Variants in B4GALNT3 observed in about 807,000 individuals in gnomAD.
B4GALNT3 encodes beta-1,4-N-acetyl-galactosaminyltransferase 3.
In B4GALNT3, 86 loss-of-function variants were observed where a neutral mutation model predicts 120.2. The ratio of observed to expected loss-of-function variants is 0.72; its 90% CI spans 0.60 to 0.86. The LOEUF (loss-of-function observed/expected upper bound fraction) is 0.86. B4GALNT3 is among the 40% of genes least tolerant of loss of function. The pLI is 0.00. For missense variants in B4GALNT3, 1,167 were observed against 1,298.9 expected, an observed-to-expected ratio of 0.90 and a Z score of 1.56; for synonymous variants, 518 against 510.4, an observed-to-expected ratio of 1.01 and a Z score of -0.20.
At chr12:559,590 C>T (rs1185478439) in intron 19 of B4GALNT3, among the ~76,000 whole-genome samples, 169 bp downstream of exon 19, 1 of 152,094 alleles carries the variant, frequency 6.6e-6, no homozygotes, top group Admixed American at 6.5e-5. Context: ...CGCTGGGACT[C>T]AGTTTCTCTA....
chr12:511,444 A>ACCTTCCACCTTCTTCCACCTTCCC (rs1946557118), intron 1 of B4GALNT3, among the ~76,000 whole-genome samples: 1 of 41,206 alleles, frequency 2.4e-5, no homozygotes, highest in Non-Finnish European at 4.1e-5. Context: ...TCCACCTTCC[A>ACCTTCCACCTTCTTCCACCTTCCC]CCTTCCACCT....
At position 511,406 on chromosome 12, in the gene B4GALNT3, TCCTTCCAC is replaced by T. The variant is rs200394506; in HGVS notation, c.170-23758_170-23751del. Among the ~76,000 whole-genome samples the T allele has an allele frequency of 8.5e-5, 6 of 70,758 alleles. 1 individual carries two copies. The highest frequency in any genetic ancestry group is 6.8e-4 in the Admixed American group (4 of 5,852). The allele number at this position is 70,758 out of a possible 152,430, so 46.4% of individuals were successfully genotyped here. A position where few individuals can be genotyped will look rare whatever the true frequency, so the allele number is the denominator to read the frequency against. Reference sequence around the variant, plus strand: ...GCCTTCCACCTTCTGTCTTCCACCTTCCTTCCACCTTCCACCTTCCACCTTCTTCCACC... The same window carrying T: ...GCCTTCCACCTTCTGTCTTCCACCTTCTTCCACCTTCCACCTTCTTCCACC... On this transcript the variant is annotated intron_variant, in intron 1 of 19. Transcript: ENST00000266383.
At chr12:552,415 G>C in intron 12 of B4GALNT3, 52 bp from the exon 13 acceptor site, 1 of 1,563,842 alleles carries the variant, frequency 6.4e-7, no homozygotes, top group Non-Finnish European at 8.8e-7. Flanking sequence ...CAGAGCCAGG[G>C]CTGAGCCCGC....
intron 1 of B4GALNT3, among the ~76,000 whole-genome samples, chr12:508,744 T>C (rs1946520191): frequency 6.6e-6 from 1 of 152,154 alleles, no homozygotes; most frequent in African/African-American, 2.4e-5. Flanking sequence ...CAAGCAGAGA[T>C]TACAAACATA....
intron 1 of B4GALNT3, among the ~76,000 whole-genome samples, chr12:512,009 T>C: frequency 7.6e-6 from 1 of 131,058 alleles, no homozygotes; most frequent in African/African-American, 3.1e-5. Flanking sequence ...CCTTCCACCT[T>C]CCACCTTCCG....
At chr12:486,885 G>A (rs1214243343) in intron 1 of B4GALNT3, among the ~76,000 whole-genome samples, 2 of 152,086 alleles carry the variant, frequency 1.3e-5, no homozygotes, top group Non-Finnish European at 2.9e-5. Context: ...GTGTTAGAGA[G>A]GCCAGACATT....
intron 3 of B4GALNT3, chr12:543,068 C>T: frequency 7.9e-7 from 1 of 1,261,736 alleles, no homozygotes; most frequent in Non-Finnish European, 1.0e-6. Context: ...CTGTCACAAC[C>T]ATTGTCCCCG....
At chr12:488,946 C>A (rs1946315688) in intron 1 of B4GALNT3, among the ~76,000 whole-genome samples, 1 of 151,532 alleles carries the variant, frequency 6.6e-6, no homozygotes, top group South Asian at 2.1e-4. Context: ...ATAATGGAAT[C>A]ATTAAAATGC....
At chr12:521,962 A>G (rs1307827038) in intron 1 of B4GALNT3, among the ~76,000 whole-genome samples, 1 of 118,808 alleles carries the variant, frequency 8.4e-6, no homozygotes, top group Admixed American at 8.3e-5. Context: ...AGGCCCGCTC[A>G]GAAGTTCTTT....
chr12:532,893 T>G (rs1349763310), intron 1 of B4GALNT3, among the ~76,000 whole-genome samples: 1 of 152,142 alleles, frequency 6.6e-6, no homozygotes. Flanking sequence ...CTCCCAACAG[T>G]CAAGGACTTT....
chr12:552,290 ACT>A, intron 12 of B4GALNT3, 127 bp downstream of exon 12: 1 of 729,550 alleles, frequency 1.4e-6, no homozygotes, highest in Non-Finnish European at 2.3e-6. Context: ...CTTCCTGAGT[ACT>A]ACACACACAC....
chr12:536,340 A>T (rs2120666007), intron 3 of B4GALNT3, 45 bp downstream of exon 3: 2 of 1,501,246 alleles, frequency 1.3e-6, no homozygotes, highest in Non-Finnish European at 1.9e-6. Context: ...GAGCTAAAAA[A>T]TAATGTTTAC....
intron 1 of B4GALNT3, among the ~76,000 whole-genome samples, chr12:468,229 C>T (rs1946100931): frequency 6.7e-6 from 1 of 149,490 alleles, no homozygotes; most frequent in Non-Finnish European, 1.5e-5. Context: ...ACCACTCTGA[C>T]CTAGACATTG....
intron 1 of B4GALNT3, among the ~76,000 whole-genome samples, chr12:524,791 C>A (rs988488780): frequency 4.6e-5 from 7 of 152,306 alleles, no homozygotes; most frequent in African/African-American, 1.7e-4. Flanking sequence ...ATAATACCTA[C>A]CGTAAGGATT....
At position 505,540 on chromosome 12, in the gene B4GALNT3, G is replaced by A. The variant is rs56149512; in HGVS notation, c.170-29626G>A. On this transcript the variant is annotated intron_variant, in intron 1 of 19. Coordinates refer to ENST00000266383, the MANE Select transcript of B4GALNT3 (RefSeq NM_173593.4). ...GAGAAACCTGAAATCAAGAATTGGC[G>A]CTTGCTGAGATTTGCCTGGGGGAAC... Among the ~76,000 whole-genome samples the A allele has an allele frequency of 6.1e-3, 922 of 152,300 alleles. 5 individuals carry two copies. The highest frequency in any genetic ancestry group is 0.014 in the Middle Eastern group (4 of 294).
At chr12:475,236 A>G (rs1021542908) in intron 1 of B4GALNT3, among the ~76,000 whole-genome samples, 5 of 152,202 alleles carry the variant, frequency 3.3e-5, no homozygotes, top group Non-Finnish European at 7.3e-5. Context: ...GAGGAGGTAC[A>G]CAGTCCCCTG....
At position 545,443 on chromosome 12, in the gene B4GALNT3, C is replaced by T; in HGVS notation, c.613C>T (p.Leu205Phe). The T allele has an allele frequency of 6.2e-7, 1 of 1,608,850 alleles. No homozygotes were observed. The highest frequency in any genetic ancestry group is 8.5e-7 in the Non-Finnish European group (1 of 1,178,272). The stretch of plus-strand genomic sequence containing the variant: ...GAGCCTCGATGACCAGGTCTCAGGC[C>T]TCCAGCTGCTGGCCAGTGTGGGCAA... ...WLSLDDQVSG[L>F]QLLASVGKTG... Residue 205 changes from leucine (L) to phenylalanine (F), a missense_variant, in exon 6 of 20, where the codon CTC becomes TTC. This residue lies in a region of B4GALNT3 where 983 missense variants were observed against 1,102.5 expected (regional missense o/e 0.89). Coordinates refer to ENST00000266383, the MANE Select transcript of B4GALNT3 (RefSeq NM_173593.4).
At chr12:469,462 T>C (rs1946113865) in intron 1 of B4GALNT3, among the ~76,000 whole-genome samples, 1 of 152,132 alleles carries the variant, frequency 6.6e-6, no homozygotes. Context: ...CAGTGCTTCT[T>C]AAACTTCTCA....
intron 3 of B4GALNT3, chr12:540,476 G>A (rs1946903023): frequency 6.6e-6 from 1 of 152,216 alleles, no homozygotes; most frequent in South Asian, 2.1e-4. Context: ...AACTATTTGA[G>A]AAGAGCTTTG....
Sources: gnomAD v4.1 joint callset for allele counts (sites outside exome capture counted in the v4.1 genomes callset) on GRCh38, gnomAD v4.1.1 for gene constraint, gnomAD v4.1.1 regional missense constraint, MANE v1.5 for transcripts, NCBI Gene and HGNC (gene_info 2026-07-23, HGNC 2026-07-21) for gene names.